NARS2: variants seen among roughly 807,000 people sequenced by gnomAD.
NARS2 encodes asparaginyl-tRNA synthetase.
NARS2 carries 60 observed loss-of-function variants against 62.9 expected under a neutral mutation model. The observed-to-expected ratio is 0.95, with a 90% CI of 0.77 to 1.18. NARS2 has a LOEUF of 1.18. Ranked by LOEUF, NARS2 falls within the 50% of genes most tolerant of loss-of-function variation. The probability of loss-of-function intolerance (pLI) is 0.00; values close to 1 mark genes in which losing one functional copy is unlikely to be tolerated. For synonymous variants in NARS2, 196 were observed against 200.0 expected (o/e 0.98, Z 0.17); for missense variants, 619 against 576.4 (o/e 1.07, Z -0.76).
At chr11:78,570,965 G>A (rs972125553) in intron 2 of NARS2, among the ~76,000 whole-genome samples, 3 of 152,218 alleles carry the variant, frequency 2.0e-5, no homozygotes, top group Non-Finnish European at 4.4e-5. Flanking sequence ...GGGAACATCA[G>A]ATGATGCCTA....
chr11:78,532,814 CT>C (rs1424846161), intron 5 of NARS2, among the ~76,000 whole-genome samples: 2 of 152,188 alleles, frequency 1.3e-5, no homozygotes, highest in Non-Finnish European at 2.9e-5. Flanking sequence ...TTAAATATAT[CT>C]TTCCTGAAAA....
At chr11:78,481,299 G>C (rs1859345617) in intron 7 of NARS2, among the ~76,000 whole-genome samples, 2 of 152,166 alleles carry the variant, frequency 1.3e-5, no homozygotes, top group Admixed American at 1.3e-4. Context: ...AGAACAACAG[G>C]AAGCTAAAGA....
intron 11 of NARS2, among the ~76,000 whole-genome samples, chr11:78,448,994 T>C (rs955953718): frequency 1.3e-5 from 2 of 152,192 alleles, no homozygotes; most frequent in South Asian, 2.1e-4. Context: ...CTTCCTTTAA[T>C]ATTTGAGTTC....
At chr11:78,521,726 C>G (rs1861131073) in intron 6 of NARS2, among the ~76,000 whole-genome samples, 1 of 134,164 alleles carries the variant, frequency 7.5e-6, no homozygotes. Flanking sequence ...GGAGGCGGAG[C>G]TTGCAGTGAG....
At chr11:78,446,888 T>C (rs951734865) in intron 11 of NARS2, among the ~76,000 whole-genome samples, 2 of 151,816 alleles carry the variant, frequency 1.3e-5, no homozygotes, top group Non-Finnish European at 2.9e-5. Context: ...AAGGAAACAA[T>C]TAACAAAGTG....
intron 7 of NARS2, among the ~76,000 whole-genome samples, chr11:78,487,395 GAGAA>G (rs1163204047): frequency 3.2e-4 from 48 of 150,122 alleles, no homozygotes; most frequent in South Asian, 1.1e-3. Flanking sequence ...GAGAGAGAGA[GAGAA>G]AGAAAGAAAG....
chr11:78,457,665 T>C (rs1414569376), intron 11 of NARS2, among the ~76,000 whole-genome samples: 9 of 152,200 alleles, frequency 5.9e-5, no homozygotes, highest in Admixed American at 5.2e-4. Flanking sequence ...ATAACGCCTT[T>C]AGGGTGTGAG....
chr11:78,475,047 C>A (rs549592829), intron 9 of NARS2, among the ~76,000 whole-genome samples: 1 of 152,050 alleles, frequency 6.6e-6, no homozygotes, highest in Admixed American at 6.6e-5. Flanking sequence ...AAACTTTGTA[C>A]CCCTTGGACA....
At chr11:78,440,056 T>G (rs1476991709) in intron 13 of NARS2, among the ~76,000 whole-genome samples, 1 of 152,146 alleles carries the variant, frequency 6.6e-6, no homozygotes, top group East Asian at 1.9e-4. Flanking sequence ...AGCAAAGGAT[T>G]TTTTTAAATT....
At chr11:78,467,033 C>CT (rs1331461635) in intron 10 of NARS2, among the ~76,000 whole-genome samples, 1 of 152,094 alleles carries the variant, frequency 6.6e-6, no homozygotes, top group Non-Finnish European at 1.5e-5. Context: ...ACAGAGGTTA[C>CT]TTTTGTAATA....
At chr11:78,487,083 T>G (rs951036786) in intron 7 of NARS2, among the ~76,000 whole-genome samples, 8 of 151,988 alleles carry the variant, frequency 5.3e-5, no homozygotes, top group African/African-American at 1.7e-4. Flanking sequence ...TAGCCAGGCA[T>G]GGTGGCTCAC....
chr11:78,459,442 G>C (rs1402997602), intron 11 of NARS2, among the ~76,000 whole-genome samples: 2 of 150,222 alleles, frequency 1.3e-5, no homozygotes, highest in Non-Finnish European at 2.9e-5. Context: ...AGCTAATTTT[G>C]TATTTTTAGT....
At chr11:78,443,785 A>G in intron 11 of NARS2, 27 bp from the exon 12 acceptor site, 1 of 1,525,468 alleles carries the variant, frequency 6.6e-7, no homozygotes, top group East Asian at 2.3e-5. Context: ...AATTATTAGC[A>G]TTATATTTTC....
At chr11:78,475,580 C>CTTTTTT (rs377023107) in intron 9 of NARS2, among the ~76,000 whole-genome samples, 5 of 93,986 alleles carry the variant, frequency 5.3e-5, no homozygotes, top group East Asian at 3.5e-4. Flanking sequence ...TATCATTTGA[C>CTTTTTT]TTTTTTTTTT....
intron 7 of NARS2, among the ~76,000 whole-genome samples, chr11:78,479,379 TGCACCTGTAGTCC>T (rs1482116386): frequency 6.6e-6 from 1 of 152,092 alleles, no homozygotes; most frequent in Non-Finnish European, 1.5e-5. Context: ...TAGTGGTGTG[TGCACCTGTAGTCC>T]CAGATCCTCA....
chr11:78,503,492 C>T (rs999106867), intron 6 of NARS2, among the ~76,000 whole-genome samples: 1 of 152,196 alleles, frequency 6.6e-6, no homozygotes, highest in African/African-American at 2.4e-5. Flanking sequence ...CCCGCCTCAG[C>T]CTCCCAAAGG....
chr11:78,571,133 T>C (rs1445268526), intron 2 of NARS2, among the ~76,000 whole-genome samples: 1 of 152,128 alleles, frequency 6.6e-6, no homozygotes, highest in Non-Finnish European at 1.5e-5. Flanking sequence ...TATCAGCATG[T>C]GACAATGTCA....
rs193213559 is a variant in NARS2 at position 78,482,877 on chromosome 11, T to C, written c.823-4194A>G. ...AACAACAGAAAAAGAGGGAGTCCTG[T>C]AACCCATTTTATGAAGCCAGCATCA... On this transcript the variant is annotated intron_variant, in intron 7 of 13. Coordinates refer to ENST00000281038, the MANE Select transcript of NARS2 (RefSeq NM_024678.6). 3.9e-5 allele frequency among the ~76,000 whole-genome samples: 6 copies of C among 151,912 alleles called. No individual in the cohort carries two copies. The East Asian group carries it at 1.2e-3, about 29-fold the overall frequency.
intron 11 of NARS2, among the ~76,000 whole-genome samples, chr11:78,457,269 T>C (rs1421609317): frequency 3.9e-5 from 6 of 152,238 alleles, no homozygotes; most frequent in African/African-American, 1.4e-4. Flanking sequence ...GTTACAAGTG[T>C]AGATTAGATA....
Sources: allele counts gnomAD v4.1 joint callset (sites outside exome capture counted in the v4.1 genomes callset), GRCh38; gene constraint gnomAD v4.1.1; transcripts MANE v1.5; gene names NCBI Gene and HGNC (gene_info 2026-07-23, HGNC 2026-07-21).